ADAMTS16: variants seen among roughly 807,000 people sequenced by gnomAD.
ADAMTS16 encodes A disintegrin and metalloproteinase with thrombospondin motifs 16.
Under a neutral mutation model 145.8 loss-of-function variants are expected in ADAMTS16, and 94 were observed. That is an observed-to-expected ratio of 0.64 (90% confidence interval 0.55 to 0.77). ADAMTS16 has a LOEUF of 0.77. Among genes scored for constraint, ADAMTS16 ranks in the 30% least tolerant of loss-of-function variants. The pLI is 0.00. For synonymous variants in ADAMTS16, 659 were observed against 604.3 expected, an observed-to-expected ratio of 1.09 and a Z score of -1.33; for missense variants, 1,585 against 1,591.5, an observed-to-expected ratio of 1.00 and a Z score of 0.07.
intron 3 of ADAMTS16, among the ~76,000 whole-genome samples, chr5:5,152,420 A>G (rs1734497760): frequency 6.6e-6 from 1 of 152,190 alleles, no homozygotes; most frequent in African/African-American, 2.4e-5. Context: ...ATAAGCCTGG[A>G]GAGTAGTGTC....
At chr5:5,239,578 T>C (rs902475534) in intron 15 of ADAMTS16, 103 bp from the exon 16 acceptor site, 50 of 1,499,618 alleles carry the variant, frequency 3.3e-5, no homozygotes, top group Non-Finnish European at 4.3e-5. Context: ...CAGTTCCAAA[T>C]GTGGATTCTC....
At chr5:5,234,869 CAAA>C (rs1553993127) in intron 12 of ADAMTS16, 142 bp from the exon 13 acceptor site, 697 of 55,580 alleles carry the variant, frequency 0.013, no homozygotes, top group Middle Eastern at 0.028. Context: ...GACTCCATCT[CAAA>C]AAAAAAAAAA....
In ADAMTS16 at chr5:5,209,100, C is replaced by CA; in HGVS notation, c.1461dup (p.Ala488SerfsTer6). The CA allele has an allele frequency of 6.2e-7, 1 of 1,613,276 alleles. No homozygotes were observed. The highest frequency in any genetic ancestry group is 8.5e-7 in the Non-Finnish European group (1 of 1,179,556). ...ATCTCCTCTTTGTTTCAGCACCGCT[C>CA]AAGCTATCTGCCTTGCTGATCAGCC... is the stretch of plus-strand genomic sequence containing the variant. On this transcript the variant is annotated frameshift_variant, in exon 10 of 23. Coordinates refer to ENST00000274181, the MANE Select transcript of ADAMTS16 (RefSeq NM_139056.4). LOFTEE classifies it high-confidence loss of function.
At chr5:5,314,814 T>C (rs1306458164) in intron 21 of ADAMTS16, among the ~76,000 whole-genome samples, 2 of 151,910 alleles carry the variant, frequency 1.3e-5, no homozygotes, top group South Asian at 2.1e-4. Flanking sequence ...ATGCTGAGAG[T>C]TGGCCCTGAT....
chr5:5,287,854 C>T (rs1293354596), intron 18 of ADAMTS16, among the ~76,000 whole-genome samples: 1 of 152,198 alleles, frequency 6.6e-6, no homozygotes, highest in Non-Finnish European at 1.5e-5. Flanking sequence ...TCGGCCCAGA[C>T]CCTCACAGCC....
In ADAMTS16 at chr5:5,200,395, T is replaced by A. The variant is rs1735924059; in HGVS notation, c.1451+126T>A. 3.2e-6 allele frequency: 4 copies of A among 1,265,700 alleles called. No individual in the cohort carries two copies. In the African/African-American group the frequency reaches 6.0e-5, roughly 19 times the overall value. 78.4% of individuals were successfully genotyped at this position (1,265,700 alleles called of 1,614,324 possible). A position where few individuals can be genotyped will look rare whatever the true frequency, so the allele number is the denominator to read the frequency against. ...GATGTGGTTCCCTTTGAAGGTGTCTTGAGACATTCAGTTGACCGAAGAGTT... is the reference window on the plus strand; with the variant it reads ...GATGTGGTTCCCTTTGAAGGTGTCTAGAGACATTCAGTTGACCGAAGAGTT... On this transcript the variant is annotated intron_variant, in intron 9 of 22. Coordinates refer to ENST00000274181, the MANE Select transcript of ADAMTS16 (RefSeq NM_139056.4).
chr5:5,286,857 CAAAAAAAAA>C (rs1158555676), intron 18 of ADAMTS16, among the ~76,000 whole-genome samples: 5 of 22,116 alleles, frequency 2.3e-4, no homozygotes, highest in Non-Finnish European at 2.7e-4. Flanking sequence ...GACTCCGTCT[CAAAAAAAAA>C]AAAAAAAAAA....
chr5:5,209,174 A>G lies in ADAMTS16; in HGVS notation c.1533A>G (p.Leu511=), dbSNP rs140561404. ...ATCCTGAGAAATTGCCAGGAGAATTATATGATGCAAACACACAGTGCAAGT... is the reference window on the plus strand; with the variant it reads ...ATCCTGAGAAATTGCCAGGAGAATTGTATGATGCAAACACACAGTGCAAGT... ...YKYPEKLPGE[L]YDANTQCKWQ... Residue 511 remains leucine (L), a synonymous_variant, in exon 10 of 23, where the codon TTA becomes TTG. Transcript: ENST00000274181. 3 of 1,614,132 alleles carry G rather than the reference A, an allele frequency of 1.9e-6. No individual in the cohort carries two copies. The highest frequency in any genetic ancestry group is 2.5e-6 in the Non-Finnish European group (3 of 1,179,942).
intron 21 of ADAMTS16, among the ~76,000 whole-genome samples, chr5:5,308,168 T>A (rs538392235): frequency 6.6e-6 from 1 of 152,276 alleles, no homozygotes; most frequent in Non-Finnish European, 1.5e-5. Context: ...TCCCGCATCC[T>A]CCGTGGTTTC....
chr5:5,306,029 C>G (rs980133834), intron 20 of ADAMTS16, among the ~76,000 whole-genome samples: 1 of 152,206 alleles, frequency 6.6e-6, no homozygotes, highest in Admixed American at 6.5e-5. Context: ...TCTCCACGCA[C>G]GCTTCCTTTC....
chr5:5,313,987 G>C (rs113928060), intron 21 of ADAMTS16, among the ~76,000 whole-genome samples: 2,111 of 152,336 alleles, frequency 0.014, 52 homozygotes, highest in African/African-American at 0.047. Flanking sequence ...TAGAGAAGGT[G>C]ACCATGCACA....
chr5:5,198,583 T>C (rs1468556869), intron 8 of ADAMTS16, among the ~76,000 whole-genome samples: 1 of 152,218 alleles, frequency 6.6e-6, no homozygotes, highest in Non-Finnish European at 1.5e-5. Context: ...TCTTGCTGTC[T>C]TTATATTAAA....
chr5:5,249,540 C>T (rs190547814), intron 17 of ADAMTS16, among the ~76,000 whole-genome samples: 88 of 152,130 alleles, frequency 5.8e-4, no homozygotes, highest in Middle Eastern at 3.4e-3. Flanking sequence ...AGTGAATGAA[C>T]GTTGGAACTG....
intron 21 of ADAMTS16, 151 bp downstream of exon 21, chr5:5,306,879 G>A (rs573792064): frequency 1.2e-5 from 10 of 806,826 alleles, no homozygotes; most frequent in South Asian, 1.9e-5. Context: ...TGTGCGGGTG[G>A]CCTGGTTCCT....
intron 3 of ADAMTS16, among the ~76,000 whole-genome samples, chr5:5,178,857 G>GT (rs758177792): frequency 5.3e-5 from 8 of 152,010 alleles, no homozygotes; most frequent in Non-Finnish European, 1.2e-4. Context: ...CAGAAAGAGT[G>GT]TAAAAAGCAA....
At chr5:5,318,945 G>C in intron 22 of ADAMTS16, 78 bp from the exon 23 acceptor site, 1 of 1,114,398 alleles carries the variant, frequency 9.0e-7, no homozygotes, top group Non-Finnish European at 1.3e-6. Context: ...GCTTTTATTT[G>C]CCAGACAGAG....
In ADAMTS16 at chr5:5,146,225, G is replaced by A. The variant is rs746905719; in HGVS notation, c.271G>A (p.Val91Met). ...HHQRRRRAVP[V>M]SEVESLHLRL... ...TCAGCGGCGGAGAAGAGCAGTGCCC[G>A]TGTCCGAGGTTGAGTCTCTTCACCT... The change falls in exon 3 of 23, where the codon GTG becomes ATG. Residue 91 changes from valine to methionine, a missense_variant. Physicochemically the swap from Val to Met is conservative, Grantham distance 21 (BLOSUM62 1). Transcript: ENST00000274181. The A allele has an allele frequency of 2.7e-5, 43 of 1,614,008 alleles. No individual in the cohort carries two copies. The highest frequency in any genetic ancestry group is 3.3e-5 in the Non-Finnish European group (39 of 1,180,036).
chr5:5,281,998 G>C lies in ADAMTS16; in HGVS notation c.2789+19215G>C, dbSNP rs573958161. ...ACGTGACAAGTTACTGCATTATGATGATGAGTGTGATAATGCATTGGTTTG... is the reference window on the plus strand; with the variant it reads ...ACGTGACAAGTTACTGCATTATGATCATGAGTGTGATAATGCATTGGTTTG... On this transcript the variant is annotated intron_variant, in intron 18 of 22. Transcript: ENST00000274181. 3.3e-5 allele frequency among the ~76,000 whole-genome samples: 5 copies of C among 149,656 alleles called. No homozygotes were observed. In the South Asian group the frequency reaches 8.7e-4, roughly 26 times the overall value.
At chr5:5,201,591 C>T (rs1023080070) in intron 9 of ADAMTS16, among the ~76,000 whole-genome samples, 2 of 151,584 alleles carry the variant, frequency 1.3e-5, no homozygotes, top group Non-Finnish European at 2.9e-5. Flanking sequence ...ACAAAAACTA[C>T]ACATATTTAA....
Sources: gnomAD v4.1 joint callset for allele counts (sites outside exome capture counted in the v4.1 genomes callset) on GRCh38, gnomAD v4.1.1 for gene constraint, MANE v1.5 for transcripts, NCBI Gene and HGNC (gene_info 2026-07-23, HGNC 2026-07-21) for gene names.